JHY: variants seen among roughly 807,000 people sequenced by gnomAD.
JHY encodes the protein jhy protein homolog.
A neutral mutation model predicts 78.0 loss-of-function variants in JHY; 69 were observed. The observed-to-expected ratio is 0.88, with a 90% CI of 0.73 to 1.08. The LOEUF is 1.08. Among genes scored for constraint, JHY ranks in the 50% least tolerant of loss-of-function variants. The pLI, the probability that JHY is intolerant of heterozygous loss-of-function variation, is 0.00. For missense variants in JHY, 944 were observed against 927.8 expected, an observed-to-expected ratio of 1.02 and a Z score of -0.23; for synonymous variants, 368 against 342.6, an observed-to-expected ratio of 1.07 and a Z score of -0.82.
At position 122,935,125 on chromosome 11, in the gene JHY, T is replaced by A. The variant is rs766444799; in HGVS notation, c.1634+50T>A. On this transcript the variant is annotated intron_variant, in intron 5 of 8. Transcript: ENST00000227349. This position sits in a 1 kb window ranked among gnomAD's most constrained non-coding sequence, Gnocchi z 4.5. Reference sequence around the variant, plus strand: ...GTTTTCTAGAGGAGAAAGGAGAGACTGCTGCAGAAAGACGGGAGAGGAAGA... The same window carrying A: ...GTTTTCTAGAGGAGAAAGGAGAGACAGCTGCAGAAAGACGGGAGAGGAAGA... The A allele has an allele frequency of 6.8e-7, 1 of 1,461,242 alleles. No individual in the cohort carries two copies. The highest frequency in any genetic ancestry group is 1.4e-5 in the South Asian group (1 of 69,486). 90.5% of individuals were successfully genotyped at this position (1,461,242 alleles called of 1,614,324 possible).
intron 2 of JHY, among the ~76,000 whole-genome samples, chr11:122,892,945 A>T (rs17246893): frequency 0.11 from 17,031 of 152,210 alleles, 1,055 homozygotes; most frequent in African/African-American, 0.13. Flanking sequence ...AAGCATCTGA[A>T]GTTAGGTCTA....
chr11:122,937,639 T>C (rs918474458), intron 5 of JHY, among the ~76,000 whole-genome samples: 5 of 152,196 alleles, frequency 3.3e-5, no homozygotes, highest in Admixed American at 2.0e-4. Context: ...GCCAGTGTCC[T>C]GTGCCACACC....
In JHY at chr11:122,935,664, G is replaced by A. The variant is rs892451552; in HGVS notation, c.1634+589G>A. On this transcript the variant is annotated intron_variant, in intron 5 of 8. Transcript: ENST00000227349. This position sits in a 1 kb window ranked among gnomAD's most constrained non-coding sequence, Gnocchi z 4.5. ...TCAAAAAACATCAGTGTGTTTGGGG[G>A]TTGCAAGTAATGTTTGGAGGAAACA... 1.3e-5 allele frequency among the ~76,000 whole-genome samples: 2 copies of A among 152,156 alleles called. No homozygotes were observed. The highest frequency in any genetic ancestry group is 1.3e-4 in the Admixed American group (2 of 15,278).
In JHY at chr11:122,937,330, T is replaced by C. The variant is rs145365663; in HGVS notation, c.1634+2255T>C. Reference sequence around the variant, plus strand: ...CTCTGTACATATAGCTAATTGATCCTACGCTTATGAGTAGCCTTTTAGTAT... The same window carrying C: ...CTCTGTACATATAGCTAATTGATCCCACGCTTATGAGTAGCCTTTTAGTAT... On this transcript the variant is annotated intron_variant, in intron 5 of 8. Coordinates refer to ENST00000227349, the MANE Select transcript of JHY (RefSeq NM_024806.4). Among the ~76,000 whole-genome samples, 560 of 151,810 alleles carry C rather than the reference T, an allele frequency of 3.7e-3. 2 individuals are homozygous for C. Among genetic ancestry groups the C allele is most frequent in the African/African-American group, 0.012 (491 of 41,400 alleles).
chr11:122,909,103 G>T (rs927892725), intron 3 of JHY, among the ~76,000 whole-genome samples: 1 of 151,890 alleles, frequency 6.6e-6, no homozygotes, highest in African/African-American at 2.4e-5. Flanking sequence ...AATATATATG[G>T]CTATTACACA....
rs186102389 is a variant in JHY at position 122,924,484 on chromosome 11, C to T, written c.865-413C>T. ...GCCTAGGACAGATGCTGGCACACCGCGAGCATTCCATGTGTAGAAAACATT... is the reference window on the plus strand; with the variant it reads ...GCCTAGGACAGATGCTGGCACACCGTGAGCATTCCATGTGTAGAAAACATT... On this transcript the variant is annotated intron_variant, in intron 3 of 8. Transcript: ENST00000227349. Among the ~76,000 whole-genome samples, 688 of 152,284 alleles carry T rather than the reference C, an allele frequency of 4.5e-3. 7 individuals carry two copies. The highest frequency in any genetic ancestry group is 0.015 in the African/African-American group (628 of 41,548).
chr11:122,909,714 G>C (rs1289918195), intron 3 of JHY, among the ~76,000 whole-genome samples: 1 of 152,050 alleles, frequency 6.6e-6, no homozygotes, highest in Non-Finnish European at 1.5e-5. Context: ...AGGAGGCAGA[G>C]GTTGCAGTGA....
Position 122,935,915 on chromosome 11 carries a change from G to C in JHY, c.1634+840G>C, listed in dbSNP as rs1045925322. Among the ~76,000 whole-genome samples the C allele has an allele frequency of 6.6e-6, 1 of 152,108 alleles. No homozygotes were observed. The highest frequency in any genetic ancestry group is 2.4e-5 in the African/African-American group (1 of 41,420). Reference sequence around the variant, plus strand: ...AGTAAGGTACAAAATTACACCTTGGGTTGAATGACACTGGTAGAAGAAAAA... The same window carrying C: ...AGTAAGGTACAAAATTACACCTTGGCTTGAATGACACTGGTAGAAGAAAAA... On this transcript the variant is annotated intron_variant, in intron 5 of 8. Transcript: ENST00000227349. This position sits in a 1 kb window ranked among gnomAD's most constrained non-coding sequence, Gnocchi z 4.5.
chr11:122,898,866 G>A lies in JHY; in HGVS notation c.345-5059G>A, dbSNP rs374255088. Reference sequence around the variant, plus strand: ...TGCTTGCCCTTGAGCTGTGCTCCTCGACCTGCCCTCCTCTCACCCTCCATT... The same window carrying A: ...TGCTTGCCCTTGAGCTGTGCTCCTCAACCTGCCCTCCTCTCACCCTCCATT... On this transcript the variant is annotated intron_variant, in intron 2 of 8. Coordinates refer to ENST00000227349, the MANE Select transcript of JHY (RefSeq NM_024806.4). The surrounding 1 kb of genome is among the most constrained non-coding windows in gnomAD (Gnocchi z 4.4). 6.6e-6 allele frequency among the ~76,000 whole-genome samples: 1 copy of A among 152,006 alleles called. No individual in the cohort carries two copies. Among genetic ancestry groups the A allele is most frequent in the Admixed American group, 6.6e-5 (1 of 15,252 alleles).
At chr11:122,910,709 T>C (rs1863100231) in intron 3 of JHY, among the ~76,000 whole-genome samples, 2 of 152,200 alleles carry the variant, frequency 1.3e-5, no homozygotes, top group South Asian at 4.1e-4. Flanking sequence ...GGAGGAGACA[T>C]TTATAGTATA....
At chr11:122,902,561 T>G (rs757499910) in intron 2 of JHY, among the ~76,000 whole-genome samples, 7 of 152,040 alleles carry the variant, frequency 4.6e-5, no homozygotes, top group Non-Finnish European at 8.8e-5. Flanking sequence ...AAAAAAGAAG[T>G]GTAACTGGCT....
chr11:122,887,571 T>C (rs1862522017), intron 2 of JHY, among the ~76,000 whole-genome samples: 1 of 152,042 alleles, frequency 6.6e-6, no homozygotes, highest in Non-Finnish European at 1.5e-5. Context: ...TCCGCCCACC[T>C]TGGACTCCCA....
rs1864315639 is a variant in JHY at position 122,961,463 on chromosome 11, T to C, written c.*2018T>C. Among the ~76,000 whole-genome samples, 1 of 152,180 alleles carries C rather than the reference T, an allele frequency of 6.6e-6. No individual in the cohort carries two copies. Among genetic ancestry groups the C allele is most frequent in the Non-Finnish European group, 1.5e-5 (1 of 68,012 alleles). Reference sequence around the variant, plus strand: ...GTCTCAGCCTCCCTTCAAGCAATTCTCCTGTCTCAGCCTCCCGAGTAGCCG... The same window carrying C: ...GTCTCAGCCTCCCTTCAAGCAATTCCCCTGTCTCAGCCTCCCGAGTAGCCG... On this transcript the variant is annotated 3_prime_UTR_variant, in exon 9 of 9. Coordinates refer to ENST00000227349, the MANE Select transcript of JHY (RefSeq NM_024806.4).
At chr11:122,895,491 T>G (rs902685914) in intron 2 of JHY, among the ~76,000 whole-genome samples, 1 of 152,232 alleles carries the variant, frequency 6.6e-6, no homozygotes, top group Non-Finnish European at 1.5e-5. Context: ...TATGAGGCTC[T>G]TCATTAAATG....
At position 122,958,611 on chromosome 11, in the gene JHY, A is replaced by G. The variant is rs1864241654; in HGVS notation, c.2140-637A>G. ...CATTTGTATTTCAGCTATCAACAAC[A>G]TCTTACTAAAATGCAAAACTGTTAT... is the stretch of plus-strand genomic sequence containing the variant. On this transcript the variant is annotated intron_variant, in intron 8 of 8. Transcript: ENST00000227349. The G allele has an allele frequency of 1.0e-5, 5 of 494,332 alleles. No homozygotes were observed. In the South Asian group the frequency reaches 3.5e-4, roughly 35 times the overall value. 30.6% of individuals were successfully genotyped at this position (494,332 alleles called of 1,614,324 possible). A position where few individuals can be genotyped will look rare whatever the true frequency, so the allele number is the denominator to read the frequency against.
rs1437108548 is a variant in JHY at position 122,904,207 on chromosome 11, G to C, written c.627G>C (p.Pro209=). 1.2e-6 allele frequency: 2 copies of C among 1,614,054 alleles called. No individual in the cohort carries two copies. Among genetic ancestry groups the C allele is most frequent in the African/African-American group, 2.7e-5 (2 of 74,928 alleles). Residue 209 remains proline, a synonymous_variant, in exon 3 of 9, where the codon CCG becomes CCC. Transcript: ENST00000227349. ...AGCATGGTGCCCGTCGCAGCAAGCC[G>C]TTTTCAGAGCTGAGCGACAGTGACC... The part of the protein sequence containing the change: ...NYEHGARRSK[P]FSELSDSDLE...
intron 3 of JHY, among the ~76,000 whole-genome samples, chr11:122,921,721 G>A (rs1459648506): frequency 6.6e-6 from 1 of 152,188 alleles, no homozygotes; most frequent in African/African-American, 2.4e-5. Flanking sequence ...TGGCCTTGGT[G>A]GCTCATGCCT....
intron 8 of JHY, among the ~76,000 whole-genome samples, chr11:122,958,026 A>T (rs983093971): frequency 1.3e-5 from 2 of 152,194 alleles, no homozygotes. Context: ...TGCTGCTTAT[A>T]TGTCAAAGAA....
chr11:122,905,326 T>A (rs1256468417), intron 3 of JHY: 1 of 1,578,784 alleles, frequency 6.3e-7, no homozygotes, highest in East Asian at 2.3e-5. Flanking sequence ...GTTAGAATGG[T>A]AGAGTCCACC....
Sources: allele counts gnomAD v4.1 joint callset (sites outside exome capture counted in the v4.1 genomes callset), GRCh38; gene constraint gnomAD v4.1.1; non-coding constraint Gnocchi (gnomAD v3.1); transcripts MANE v1.5; gene names NCBI Gene and HGNC (gene_info 2026-07-23, HGNC 2026-07-21).